Variants in PRMT3 observed in about 807,000 individuals in gnomAD.
The protein encoded by PRMT3 is protein arginine methyltransferase 3.
PRMT3 carries 62 observed loss-of-function variants against 71.9 expected under a neutral mutation model. The observed-to-expected ratio is 0.86, with a 90% CI of 0.70 to 1.07. PRMT3 has a LOEUF of 1.07. Ranked by LOEUF, PRMT3 falls within the 50% of genes least tolerant of loss-of-function variation. The pLI, the probability that PRMT3 is intolerant of heterozygous loss-of-function variation, is 0.00. For synonymous variants in PRMT3, 213 were observed against 220.4 expected (o/e 0.97, Z 0.30); for missense variants, 663 against 643.0 (o/e 1.03, Z -0.34).
At chr11:20,443,886 T>C (rs1438333795) in intron 10 of PRMT3, among the ~76,000 whole-genome samples, 1 of 152,210 alleles carries the variant, frequency 6.6e-6, no homozygotes, top group Non-Finnish European at 1.5e-5. Flanking sequence ...TTGTGCTAAG[T>C]TATGTTCTCC....
At chr11:20,395,213 T>G (rs1848799172) in intron 5 of PRMT3, among the ~76,000 whole-genome samples, 1 of 152,154 alleles carries the variant, frequency 6.6e-6, no homozygotes, top group African/African-American at 2.4e-5. Context: ...TCTTTCTTCC[T>G]GGATTTGGTT....
intron 9 of PRMT3, among the ~76,000 whole-genome samples, chr11:20,408,871 A>T (rs1475490062): frequency 1.3e-5 from 2 of 152,106 alleles, no homozygotes; most frequent in East Asian, 3.9e-4. Flanking sequence ...AGGTGAAAGG[A>T]TTGCTTGAGC....
At chr11:20,412,674 T>C (rs1326928232) in intron 9 of PRMT3, among the ~76,000 whole-genome samples, 1 of 152,212 alleles carries the variant, frequency 6.6e-6, no homozygotes, top group Non-Finnish European at 1.5e-5. Flanking sequence ...AGAACATTTA[T>C]TGAAAATGAC....
At chr11:20,400,274 G>A (rs1269509114) in intron 7 of PRMT3, among the ~76,000 whole-genome samples, 1 of 152,124 alleles carries the variant, frequency 6.6e-6, no homozygotes, top group African/African-American at 2.4e-5. Flanking sequence ...TTGGCTTCAT[G>A]TCTTTCCATG....
intron 9 of PRMT3, among the ~76,000 whole-genome samples, chr11:20,424,559 TAAATG>T (rs1370684276): frequency 1.3e-5 from 2 of 152,186 alleles, no homozygotes; most frequent in African/African-American, 4.8e-5. Flanking sequence ...ATGGGAAAAT[TAAATG>T]AAAACTGAAA....
At chr11:20,447,741 A>T (rs1293161041) in intron 10 of PRMT3, among the ~76,000 whole-genome samples, 1 of 152,052 alleles carries the variant, frequency 6.6e-6, no homozygotes, top group Non-Finnish European at 1.5e-5. Flanking sequence ...AGCCACCTTC[A>T]GCTTGCTGCC....
At chr11:20,447,613 A>G (rs757095920) in intron 10 of PRMT3, among the ~76,000 whole-genome samples, 5 of 152,086 alleles carry the variant, frequency 3.3e-5, no homozygotes, top group Non-Finnish European at 7.4e-5. Flanking sequence ...TTACATGAAT[A>G]TGTCATAGAA....
intron 5 of PRMT3, among the ~76,000 whole-genome samples, chr11:20,394,361 G>T (rs1462670526): frequency 6.6e-6 from 1 of 152,004 alleles, no homozygotes; most frequent in African/African-American, 2.4e-5. Context: ...TAAGACTTTA[G>T]TGTATAGATT....
chr11:20,479,469 A>G (rs959879671), intron 13 of PRMT3, among the ~76,000 whole-genome samples: 2 of 152,196 alleles, frequency 1.3e-5, no homozygotes, highest in African/African-American at 4.8e-5. Flanking sequence ...AGAATTATTG[A>G]ATTATTGAAC....
chr11:20,399,224 C>G (rs1848896617), intron 7 of PRMT3, among the ~76,000 whole-genome samples: 1 of 152,078 alleles, frequency 6.6e-6, no homozygotes, highest in South Asian at 2.1e-4. Context: ...TATGGTTTCC[C>G]TGAAGCATAG....
At chr11:20,419,180 A>G (rs7933493) in intron 9 of PRMT3, among the ~76,000 whole-genome samples, 148,231 of 152,340 alleles carry the variant, frequency 0.97, 72,436 homozygotes, top group Middle Eastern at 1. Flanking sequence ...ATTATCCACC[A>G]TTAAAAAATG....
chr11:20,415,761 G>A (rs1008190967), intron 9 of PRMT3, among the ~76,000 whole-genome samples: 35 of 152,110 alleles, frequency 2.3e-4, no homozygotes, highest in African/African-American at 8.0e-4. Flanking sequence ...TAAACATATT[G>A]TCAACCTGCT....
chr11:20,506,763 G>A (rs933883085), intron 15 of PRMT3, among the ~76,000 whole-genome samples: 7 of 152,088 alleles, frequency 4.6e-5, no homozygotes, highest in Non-Finnish European at 7.4e-5. Flanking sequence ...ACACTGTTTG[G>A]TGTTATCTTA....
intron 9 of PRMT3, among the ~76,000 whole-genome samples, chr11:20,408,847 A>C (rs1182207216): frequency 1.3e-5 from 2 of 151,952 alleles, no homozygotes; most frequent in Non-Finnish European, 2.9e-5. Flanking sequence ...TAATCCCAGC[A>C]CTTTGGGAGG....
At chr11:20,464,394 ATTTTTTGTTTTT>A in intron 12 of PRMT3, 54 bp from the exon 13 acceptor site, 3 of 1,492,872 alleles carry the variant, frequency 2.0e-6, no homozygotes, top group African/African-American at 1.5e-5. Flanking sequence ...TTTTTGTTTT[ATTTTTTGTTTTT>A]TTTTTTTGGA....
chr11:20,444,217 A>T (rs1849972843), intron 10 of PRMT3, among the ~76,000 whole-genome samples: 1 of 152,154 alleles, frequency 6.6e-6, no homozygotes, highest in Non-Finnish European at 1.5e-5. Context: ...TCCCCAAAAA[A>T]ATGTTACCAG....
chr11:20,484,909 G>T (rs527249823), intron 13 of PRMT3, among the ~76,000 whole-genome samples: 3 of 152,218 alleles, frequency 2.0e-5, no homozygotes, highest in Non-Finnish European at 2.9e-5. Flanking sequence ...ACTCAGAAAA[G>T]AAGGTAATCT....
intron 6 of PRMT3, among the ~76,000 whole-genome samples, chr11:20,396,690 A>G (rs531509879): frequency 3.9e-5 from 6 of 152,302 alleles, no homozygotes; most frequent in African/African-American, 1.4e-4. Flanking sequence ...GTATGAACCC[A>G]GAAAACCAGA....
chr11:20,456,104 A>C (rs1376926538), intron 11 of PRMT3, among the ~76,000 whole-genome samples: 1 of 152,206 alleles, frequency 6.6e-6, no homozygotes, highest in Non-Finnish European at 1.5e-5. Context: ...AAGAGAAACT[A>C]CATACTGAAA....
Sources: gnomAD v4.1 joint callset for allele counts (sites outside exome capture counted in the v4.1 genomes callset) on GRCh38, gnomAD v4.1.1 for gene constraint, MANE v1.5 for transcripts, NCBI Gene and HGNC (gene_info 2026-07-23, HGNC 2026-07-21) for gene names.